CELF2: variants seen among roughly 807,000 people sequenced by gnomAD.
The protein encoded by CELF2 is CUG triplet repeat RNA-binding protein 2.
CELF2 carries 8 observed loss-of-function variants against 62.6 expected under a neutral mutation model. The ratio of observed to expected loss-of-function variants is 0.13; its 90% CI spans 0.07 to 0.23. The LOEUF (loss-of-function observed/expected upper bound fraction) is 0.23. Among genes scored for constraint, CELF2 ranks in the 10% least tolerant of loss-of-function variants. The pLI, the probability that CELF2 is intolerant of heterozygous loss-of-function variation, is 1.00. For synonymous variants in CELF2, 258 were observed against 250.0 expected, an observed-to-expected ratio of 1.03 and a Z score of -0.30; for missense variants, 333 against 671.0, an observed-to-expected ratio of 0.50 and a Z score of 5.56.
At chr10:10,784,379 C>A in the CELF2 span, 1 of 152,470 alleles carries the variant, frequency 6.6e-6, no homozygotes, top group Admixed American at 6.5e-5. Context: ...CAGCTCAGTG[C>A]CCTCTTGATA....
chr10:10,789,121 A>G, the CELF2 span: 4 of 152,226 alleles, frequency 2.6e-5, no homozygotes, highest in African/African-American at 9.6e-5. Context: ...TAGAAAAGCA[A>G]GAGAAAAAAA....
chr10:10,550,445 A>C, the CELF2 span, among the ~76,000 whole-genome samples: 1 of 152,182 alleles, frequency 6.6e-6, no homozygotes, highest in Non-Finnish European at 1.5e-5. Flanking sequence ...AGAAGCCACT[A>C]TCCTGGATGG....
chr10:10,569,457 G>A, the CELF2 span, among the ~76,000 whole-genome samples: 1 of 152,094 alleles, frequency 6.6e-6, no homozygotes, highest in East Asian at 1.9e-4. Context: ...TCTCCAACGG[G>A]GTCCCTCCCA....
At chr10:11,298,938 C>T (rs1413736630) in intron 9 of CELF2, among the ~76,000 whole-genome samples, 1 of 152,182 alleles carries the variant, frequency 6.6e-6, no homozygotes, top group African/African-American at 2.4e-5. Flanking sequence ...TGATATTTTT[C>T]TCTGAATCTC....
the CELF2 span, among the ~76,000 whole-genome samples, chr10:10,516,224 C>T: frequency 2.6e-5 from 4 of 152,166 alleles, no homozygotes; most frequent in East Asian, 1.9e-4. Context: ...AGGCAATAGG[C>T]ATCTCTTGGT....
intron 1 of CELF2, among the ~76,000 whole-genome samples, chr10:11,028,132 A>G (rs540455618): frequency 6.6e-6 from 1 of 152,298 alleles, no homozygotes; most frequent in Admixed American, 6.5e-5. Flanking sequence ...ATGAAGACTG[A>G]TTCTTTTTTC....
chr10:11,234,878 T>C (rs2070527468), intron 3 of CELF2, among the ~76,000 whole-genome samples: 1 of 152,062 alleles, frequency 6.6e-6, no homozygotes, highest in African/African-American at 2.4e-5. Context: ...ATTATAATCC[T>C]TAACTGAATG....
At chr10:10,843,311 CTAAT>C (rs1313105253) in intron 1 of CELF2, among the ~76,000 whole-genome samples, 2 of 151,944 alleles carry the variant, frequency 1.3e-5, no homozygotes, top group Non-Finnish European at 2.9e-5. Context: ...GGCTTCTCCT[CTAAT>C]TATTTCTTTT....
chr10:10,992,861 G>C (rs749475042), intron 2 of CELF2, among the ~76,000 whole-genome samples: 6 of 152,156 alleles, frequency 3.9e-5, no homozygotes, highest in Non-Finnish European at 7.4e-5. Context: ...ATCTGGTGCT[G>C]GAACTTGAAG....
chr10:10,577,978 A>G, the CELF2 span, among the ~76,000 whole-genome samples: 1 of 152,202 alleles, frequency 6.6e-6, no homozygotes, highest in African/African-American at 2.4e-5. Flanking sequence ...TCCCACCAAC[A>G]GTGTAAAAGT....
At chr10:10,469,980 A>G in the CELF2 span, among the ~76,000 whole-genome samples, 1 of 152,000 alleles carries the variant, frequency 6.6e-6, no homozygotes, top group Non-Finnish European at 1.5e-5. Context: ...TGAAATTCAA[A>G]ACTTCTTGAG....
intron 1 of CELF2, among the ~76,000 whole-genome samples, chr10:10,800,935 C>T (rs900425940): frequency 6.6e-5 from 10 of 151,918 alleles, no homozygotes; most frequent in African/African-American, 1.7e-4. Flanking sequence ...TTTTCTCAGG[C>T]GATTAACTTA....
chr10:10,865,154 CA>C, intron 1 of CELF2, among the ~76,000 whole-genome samples: 1 of 152,274 alleles, frequency 6.6e-6, no homozygotes. Flanking sequence ...ATTCACCACT[CA>C]CCTCACTTTT....
chr10:10,984,168 A>G (rs2052465404), intron 2 of CELF2, among the ~76,000 whole-genome samples: 1 of 152,234 alleles, frequency 6.6e-6, no homozygotes, highest in Admixed American at 6.5e-5. Context: ...AGATGAGGAA[A>G]TAGGTTCCGA....
chr10:11,095,209 A>G (rs187587411), intron 1 of CELF2, among the ~76,000 whole-genome samples: 1 of 152,292 alleles, frequency 6.6e-6, no homozygotes. Flanking sequence ...TGTTAACCAG[A>G]TGCTTTGAGA....
At chr10:10,672,569 C>T in the CELF2 span, among the ~76,000 whole-genome samples, 1 of 151,450 alleles carries the variant, frequency 6.6e-6, no homozygotes, top group Non-Finnish European at 1.5e-5. Context: ...TTCTCCATCT[C>T]ATTGCCTTTG....
rs1431360023 is a variant in CELF2, at chr10:11,237,364, A to T, written c.355-11789A>T. On this transcript the variant is annotated intron_variant, in intron 3 of 12. Coordinates refer to ENST00000633077, the MANE Select transcript of CELF2 (RefSeq NM_001326342.2). This position sits in a 1 kb window ranked among gnomAD's most constrained non-coding sequence, Gnocchi z 4.0. The stretch of plus-strand genomic sequence containing the variant: ...GCCGTGGTCTCTGTCCAGCTTCTCA[A>T]GTTCTCTGTGGGGTACCCAGATTCA... Among the ~76,000 whole-genome samples the T allele has an allele frequency of 5.3e-5, 8 of 152,174 alleles. No individual in the cohort carries two copies. The highest frequency in any genetic ancestry group is 1.7e-4 in the African/African-American group (7 of 41,440).
In CELF2 at chr10:11,325,831, C is replaced by A. The variant is rs746614871; in HGVS notation, c.1295-5C>A. The A allele has an allele frequency of 1.3e-6, 2 of 1,598,330 alleles. No individual in the cohort carries two copies. The highest frequency in any genetic ancestry group is 1.8e-5 in the Admixed American group (1 of 55,482). Reference sequence around the variant, plus strand: ...CCTTACTCTGACTTTTTTTTTCCTCCTTAGGTCCAGAGGGGGCAAACCTCT... The same window carrying A: ...CCTTACTCTGACTTTTTTTTTCCTCATTAGGTCCAGAGGGGGCAAACCTCT... On this transcript the variant is annotated splice_region_variant and splice_polypyrimidine_tract_variant and intron_variant, in intron 11 of 12. Coordinates refer to ENST00000633077, the MANE Select transcript of CELF2 (RefSeq NM_001326342.2).
intron 3 of CELF2, among the ~76,000 whole-genome samples, chr10:11,235,720 G>T (rs1159794460): frequency 6.6e-6 from 1 of 152,040 alleles, no homozygotes; most frequent in African/African-American, 2.4e-5. Flanking sequence ...GATGTTTAAT[G>T]GATTTGCATT....
Sources: allele counts gnomAD v4.1 joint callset (sites outside exome capture counted in the v4.1 genomes callset), GRCh38; gene constraint gnomAD v4.1.1; non-coding constraint Gnocchi (gnomAD v3.1); transcripts MANE v1.5; gene names NCBI Gene and HGNC (gene_info 2026-07-23, HGNC 2026-07-21).